LRRK1: variants seen among roughly 807,000 people sequenced by gnomAD.
LRRK1 encodes leucine-rich repeat serine/threonine-protein kinase 1.
A neutral mutation model predicts 209.1 loss-of-function variants in LRRK1; 113 were observed. The ratio of observed to expected loss-of-function variants is 0.54; its 90% CI spans 0.46 to 0.63. LRRK1 has a LOEUF of 0.63. LRRK1 is among the 30% of genes least tolerant of loss of function. The pLI, the probability that LRRK1 is intolerant of heterozygous loss-of-function variation, is 0.00. For missense variants in LRRK1, 2,284 were observed against 2,632.2 expected, an observed-to-expected ratio of 0.87 and a Z score of 2.89; for synonymous variants, 1,144 against 1,099.7, an observed-to-expected ratio of 1.04 and a Z score of -0.80.
rs377543895 is a variant in LRRK1 at position 100,986,092 on chromosome 15, G to C, written c.433+2393G>C. 2.6e-5 allele frequency among the ~76,000 whole-genome samples: 4 copies of C among 152,152 alleles called. 1 individual carries two copies. In the East Asian group the frequency reaches 7.7e-4, roughly 29 times the overall value. Reference sequence around the variant, plus strand: ...ATGGTGGCACATGCCTATATTCCCAGGTACTTGGGAGGGTGAAGTGGGAGA... The same window carrying C: ...ATGGTGGCACATGCCTATATTCCCACGTACTTGGGAGGGTGAAGTGGGAGA... On this transcript the variant is annotated intron_variant, in intron 4 of 33. Coordinates refer to ENST00000388948, the MANE Select transcript of LRRK1 (RefSeq NM_024652.6).
At chr15:100,986,825 C>G (rs1184370901) in intron 4 of LRRK1, among the ~76,000 whole-genome samples, 3 of 152,208 alleles carry the variant, frequency 2.0e-5, no homozygotes, top group Non-Finnish European at 4.4e-5. Context: ...CTGTTCTCCC[C>G]CAGGGCTCTG....
intron 10 of LRRK1, among the ~76,000 whole-genome samples, chr15:101,013,803 G>A (rs1043710695): frequency 1.3e-5 from 2 of 152,100 alleles, no homozygotes; most frequent in Non-Finnish European, 2.9e-5. Flanking sequence ...TTGGGACTGT[G>A]TCGGCTAGCA....
At chr15:100,933,651 G>A (rs551261236) in intron 2 of LRRK1, among the ~76,000 whole-genome samples, 27 of 151,300 alleles carry the variant, frequency 1.8e-4, no homozygotes, top group Admixed American at 2.6e-4. Context: ...GCGAAACCCC[G>A]TCTTTACTAA....
chr15:100,927,299 G>A (rs2042133210), intron 2 of LRRK1, among the ~76,000 whole-genome samples: 1 of 152,160 alleles, frequency 6.6e-6, no homozygotes. Context: ...ATGTTAAGGT[G>A]TTCCGAAAGG....
In LRRK1 at chr15:101,073,573, A is replaced by G. The variant is rs2036879499; in HGVS notation, c.*4725A>G. On this transcript the variant is annotated 3_prime_UTR_variant, in exon 34 of 34. Coordinates refer to ENST00000388948, the MANE Select transcript of LRRK1 (RefSeq NM_024652.6). ...TCCAACCTCATATCTCTGCGCCCCAATCCCTTATTTCTGTGCCCCAACCTC... is the reference window on the plus strand; with the variant it reads ...TCCAACCTCATATCTCTGCGCCCCAGTCCCTTATTTCTGTGCCCCAACCTC... The G allele has an allele frequency of 6.6e-6, 1 of 151,930 alleles. No individual in the cohort carries two copies. Among genetic ancestry groups the G allele is most frequent in the Admixed American group, 6.6e-5 (1 of 15,262 alleles). 9.4% of individuals were successfully genotyped at this position (151,930 alleles called of 1,614,324 possible).
chr15:101,045,980 G>A lies in LRRK1; in HGVS notation c.2964-1G>A, dbSNP rs747149394. ...CACCAGTCCCCCTTGGTGTGTTTCA[G>A]CTACCTCCTGCCCCATCTCCTTCCA... On this transcript the variant is annotated splice_acceptor_variant, in intron 20 of 33. Transcript: ENST00000388948. LOFTEE classifies it high-confidence loss of function. 1 of 1,614,038 alleles carries A rather than the reference G, an allele frequency of 6.2e-7. No individual in the cohort carries two copies. Among genetic ancestry groups the A allele is most frequent in the Admixed American group, 1.7e-5 (1 of 60,022 alleles).
rs375374079 is a variant in LRRK1 at position 101,027,376 on chromosome 15, C to T, written c.2521C>T (p.Arg841Trp). ...STIGCQRLAG[R>W]LIPRSYLSLQ... is the part of the protein sequence containing the mutation. Reference sequence around the variant, plus strand: ...CATCGGCTGCCAGCGACTGGCAGGGCGGCTGGTGGGTACCTTGCTGGTCCA... The same window carrying T: ...CATCGGCTGCCAGCGACTGGCAGGGTGGCTGGTGGGTACCTTGCTGGTCCA... Residue 841 changes from arginine (R) to tryptophan (W), a missense_variant, in exon 18 of 34, where the codon CGG (arginine) becomes TGG (tryptophan). This residue lies in a region of LRRK1 where 780 missense variants were observed against 985.2 expected (regional missense o/e 0.79). Transcript: ENST00000388948. This position sits in a 1 kb window ranked among gnomAD's most constrained non-coding sequence, Gnocchi z 5.1. 16 of 1,613,090 alleles carry T rather than the reference C, an allele frequency of 9.9e-6. No individual in the cohort carries two copies. Among genetic ancestry groups the T allele is most frequent in the African/African-American group, 1.3e-5 (1 of 74,904 alleles).
At chr15:100,956,455 C>CTTTTTCTTTTCTTTTCTT in intron 2 of LRRK1, among the ~76,000 whole-genome samples, 8,997 of 60,598 alleles carry the variant, frequency 0.15, 1,375 homozygotes, top group East Asian at 0.42. Context: ...TTTTTTTTTT[C>CTTTTTCTTTTCTTTTCTT]TTTTTTTTTT....
rs2036849357 is a variant in LRRK1, at chr15:101,072,779, C to T, written c.*3931C>T. 6.6e-6 allele frequency: 1 copy of T among 152,240 alleles called. No homozygotes were observed. Among genetic ancestry groups the T allele is most frequent in the Non-Finnish European group, 1.5e-5 (1 of 68,102 alleles). 9.4% of individuals were successfully genotyped at this position (152,240 alleles called of 1,614,324 possible). ...GAGAACAAACCCCCTTTTTCCTTTA[C>T]CTACCCAAATCTTATAAAACGGCCT... On this transcript the variant is annotated 3_prime_UTR_variant, in exon 34 of 34. Transcript: ENST00000388948.
chr15:100,999,723 G>C (rs2032600616), intron 6 of LRRK1, among the ~76,000 whole-genome samples: 1 of 152,104 alleles, frequency 6.6e-6, no homozygotes, highest in Non-Finnish European at 1.5e-5. Flanking sequence ...TATTTTCCTT[G>C]TTTGTTTCAT....
intron 2 of LRRK1, among the ~76,000 whole-genome samples, chr15:100,941,610 G>A (rs1480506998): frequency 1.3e-5 from 2 of 152,118 alleles, no homozygotes; most frequent in South Asian, 2.1e-4. Context: ...AGATGCTTGC[G>A]GGTGCCTGGG....
intron 26 of LRRK1, among the ~76,000 whole-genome samples, chr15:101,054,060 C>A (rs1474389935): frequency 6.6e-6 from 1 of 152,184 alleles, no homozygotes; most frequent in Non-Finnish European, 1.5e-5. Flanking sequence ...CTCACTGCAG[C>A]TTTGACCTCC....
chr15:100,970,834 T>C (rs576647202), intron 2 of LRRK1, among the ~76,000 whole-genome samples: 20 of 152,274 alleles, frequency 1.3e-4, no homozygotes, highest in African/African-American at 4.6e-4. Context: ...TTCCCACTTA[T>C]TTAGGTCTTG....
intron 2 of LRRK1, among the ~76,000 whole-genome samples, chr15:100,964,675 A>G (rs1373462656): frequency 2.0e-5 from 3 of 152,226 alleles, no homozygotes; most frequent in Non-Finnish European, 4.4e-5. Context: ...TGCAAATCAA[A>G]CGGCAGTGTC....
At chr15:100,999,103 T>C (rs1333765846) in intron 6 of LRRK1, among the ~76,000 whole-genome samples, 2 of 152,254 alleles carry the variant, frequency 1.3e-5, no homozygotes, top group East Asian at 3.8e-4. Context: ...GCAAGTTAAG[T>C]AGCTTAGTTA....
At chr15:101,023,938 T>C (rs1259258465) in intron 15 of LRRK1, among the ~76,000 whole-genome samples, 1 of 152,230 alleles carries the variant, frequency 6.6e-6, no homozygotes, top group Admixed American at 6.5e-5. Flanking sequence ...TCTCCAGCTT[T>C]GCCTTTTTCT....
intron 6 of LRRK1, among the ~76,000 whole-genome samples, chr15:101,005,031 G>A (rs2032875925): frequency 6.6e-6 from 1 of 152,000 alleles, no homozygotes; most frequent in Non-Finnish European, 1.5e-5. Flanking sequence ...TTTCAGTTTG[G>A]GTACCAACCA....
rs1396628347 is a variant in LRRK1 at position 101,066,738 on chromosome 15, A to G, written c.5867A>G (p.His1956Arg). The G allele has an allele frequency of 3.7e-6, 6 of 1,613,422 alleles. No individual in the cohort carries two copies. The highest frequency in any genetic ancestry group is 1.3e-5 in the African/African-American group (1 of 75,046). ...AVLKARELTP[H>R]GVLVDAAVVA... ...TTAAAAGCCCGAGAGCTGACTCCGCATGGGTAAGACTGAGTGGCAGCTCCT... is the reference window on the plus strand; with the variant it reads ...TTAAAAGCCCGAGAGCTGACTCCGCGTGGGTAAGACTGAGTGGCAGCTCCT... The change falls in exon 33 of 34, where the codon CAT becomes CGT. Residue 1956 changes from histidine to arginine, a missense_variant. Coordinates refer to ENST00000388948, the MANE Select transcript of LRRK1 (RefSeq NM_024652.6).
At chr15:100,957,396 A>T (rs990917383) in intron 2 of LRRK1, among the ~76,000 whole-genome samples, 3 of 152,186 alleles carry the variant, frequency 2.0e-5, no homozygotes, top group Non-Finnish European at 2.9e-5. Flanking sequence ...AGGGTATTGA[A>T]GTCCCCTACT....
Sources: gnomAD v4.1 joint callset for allele counts (sites outside exome capture counted in the v4.1 genomes callset) on GRCh38, gnomAD v4.1.1 for gene constraint, gnomAD v4.1.1 regional missense constraint, Gnocchi (gnomAD v3.1) non-coding constraint, MANE v1.5 for transcripts, NCBI Gene and HGNC (gene_info 2026-07-23, HGNC 2026-07-21) for gene names.